LOXHD1: variants seen among roughly 807,000 people sequenced by gnomAD.
The protein encoded by LOXHD1 is lipoxygenase homology domain-containing protein 1.
Under a neutral mutation model 248.2 loss-of-function variants are expected in LOXHD1, and 205 were observed. The ratio of observed to expected loss-of-function variants is 0.83; its 90% CI spans 0.74 to 0.93. The LOEUF (loss-of-function observed/expected upper bound fraction) is 0.93. Ranked by LOEUF, LOXHD1 falls within the 40% of genes least tolerant of loss-of-function variation. The probability of loss-of-function intolerance (pLI) is 0.00; values close to 1 mark genes in which losing one functional copy is unlikely to be tolerated. For synonymous variants in LOXHD1, 1,113 were observed against 1,162.8 expected, an observed-to-expected ratio of 0.96 and a Z score of 0.87; for missense variants, 2,930 against 2,971.6, an observed-to-expected ratio of 0.99 and a Z score of 0.33.
In LOXHD1 at chr18:46,533,419, A is replaced by G. The variant is rs2036164324; in HGVS notation, c.4213-95T>C. 6 of 1,416,988 alleles carry G rather than the reference A, an allele frequency of 4.2e-6. No homozygotes were observed. In the Admixed American group the frequency reaches 1.4e-4, roughly 32 times the overall value. The allele number at this position is 1,416,988 out of a possible 1,614,324, so 87.8% of individuals were successfully genotyped here. Reference sequence around the variant, plus strand: ...TCAATACTCATGGAGACCAAGGACAAGGATCATGGGGCCCCATAAATAATG... The same window carrying G: ...TCAATACTCATGGAGACCAAGGACAGGGATCATGGGGCCCCATAAATAATG... On this transcript the variant is annotated intron_variant, in intron 27 of 40. Coordinates refer to ENST00000642948, the MANE Select transcript of LOXHD1 (RefSeq NM_001384474.1).
chr18:46,607,259 A>G (rs11872388), intron 6 of LOXHD1, among the ~76,000 whole-genome samples: 13,227 of 151,270 alleles, frequency 0.087, 717 homozygotes, highest in African/African-American at 0.16. Context: ...AATGAAAACA[A>G]ATTTGTAAAA....
chr18:46,599,887 G>A (rs2038309508), intron 8 of LOXHD1, among the ~76,000 whole-genome samples: 1 of 152,034 alleles, frequency 6.6e-6, no homozygotes, highest in Non-Finnish European at 1.5e-5. Flanking sequence ...CCTCCAAAAT[G>A]GTGAAAATTA....
At chr18:46,529,053 C>T in intron 29 of LOXHD1, 124 bp downstream of exon 29, 1 of 1,222,704 alleles carries the variant, frequency 8.2e-7, no homozygotes, top group Non-Finnish European at 1.1e-6. Flanking sequence ...GGCAGAGGCC[C>T]AAATGAGTGT....
At chr18:46,518,482 C>T (rs1195661059) in intron 33 of LOXHD1, among the ~76,000 whole-genome samples, 1 of 152,236 alleles carries the variant, frequency 6.6e-6, no homozygotes, top group African/African-American at 2.4e-5. Flanking sequence ...TTCTGACAGC[C>T]CTTCTGCAAT....
Position 46,489,130 on chromosome 18 carries a change from C to A in LOXHD1, c.5891G>T (p.Gly1964Val), listed in dbSNP as rs771725391. ...CACATCGACATAGCTCAGATGCCAG[C>A]CAGGAAATATCCCTGTGGAAAAGAC... The part of the protein sequence containing the change: ...VWHDNKGIFP[G>V]WHLSYVDVKD... The change falls in exon 38 of 41, where the codon GGC becomes GTC. Residue 1964 changes from glycine to valine, a missense_variant. By Grantham distance (109) the Gly-to-Val change is moderately radical. Coordinates refer to ENST00000642948, the MANE Select transcript of LOXHD1 (RefSeq NM_001384474.1). 8 of 1,551,530 alleles carry A rather than the reference C, an allele frequency of 5.2e-6. No homozygotes were observed. Among genetic ancestry groups the A allele is most frequent in the Middle Eastern group, 1.7e-4 (1 of 6,014 alleles).
chr18:46,534,366 A>G lies in LOXHD1; in HGVS notation c.4181T>C (p.Val1394Ala). 2 of 1,551,696 alleles carry G rather than the reference A, an allele frequency of 1.3e-6. No homozygotes were observed. Among genetic ancestry groups the G allele is most frequent in the Non-Finnish European group, 1.7e-6 (2 of 1,146,958 alleles). ...GMNPGWHCSH[V>A]DIRRLLPDKD... ...ATCCGGGAGGAGCCTGCGGATGTCCACGTGAGAGCAGTGCCACCCAGGATT... is the reference window on the plus strand; with the variant it reads ...ATCCGGGAGGAGCCTGCGGATGTCCGCGTGAGAGCAGTGCCACCCAGGATT... The change falls in exon 27 of 41, where the codon GTG becomes GCG. Residue 1394 changes from valine (V) to alanine (A), a missense_variant. Physicochemically the swap from Val to Ala is moderately conservative, Grantham distance 64. Coordinates refer to ENST00000642948, the MANE Select transcript of LOXHD1 (RefSeq NM_001384474.1).
intron 31 of LOXHD1, 105 bp downstream of exon 31, chr18:46,524,361 T>C (rs2035721226): frequency 2.1e-6 from 3 of 1,415,140 alleles, no homozygotes; most frequent in African/African-American, 2.8e-5. Flanking sequence ...AAGTGTTAGA[T>C]ATGTCATCGG....
intron 26 of LOXHD1, among the ~76,000 whole-genome samples, chr18:46,536,897 G>A (rs563710428): frequency 1.3e-5 from 2 of 152,284 alleles, no homozygotes; most frequent in African/African-American, 2.4e-5. Flanking sequence ...ACTGCCTGGA[G>A]GGCCCAGCCT....
intron 4 of LOXHD1, among the ~76,000 whole-genome samples, chr18:46,623,527 G>T (rs1462444528): frequency 6.6e-6 from 1 of 152,248 alleles, no homozygotes; most frequent in Non-Finnish European, 1.5e-5. Flanking sequence ...CCCACTCAAG[G>T]CCACAACAGA....
chr18:46,478,586 G>C (rs1193974588), intron 40 of LOXHD1, among the ~76,000 whole-genome samples: 1 of 152,140 alleles, frequency 6.6e-6, no homozygotes, highest in East Asian at 1.9e-4. Flanking sequence ...CCCTCCAGTG[G>C]CTTCCCATGT....
At chr18:46,648,115 G>T (rs868141411) in intron 2 of LOXHD1, among the ~76,000 whole-genome samples, 3 of 152,052 alleles carry the variant, frequency 2.0e-5, no homozygotes, top group African/African-American at 7.2e-5. Flanking sequence ...AAAATTAGCC[G>T]GTTATGGTGG....
At chr18:46,593,205 A>C (rs1568206874) in intron 10 of LOXHD1, among the ~76,000 whole-genome samples, 1 of 151,082 alleles carries the variant, frequency 6.6e-6, no homozygotes, top group Non-Finnish European at 1.5e-5. Context: ...TTTTAAAAAA[A>C]GTTCTAAAAT....
chr18:46,556,337 C>T (rs1405855756), intron 21 of LOXHD1, among the ~76,000 whole-genome samples: 3 of 152,116 alleles, frequency 2.0e-5, no homozygotes, highest in African/African-American at 7.2e-5. Flanking sequence ...TATGGGTGAG[C>T]TATGCCTAGG....
chr18:46,491,357 G>T (rs1355868849), intron 37 of LOXHD1, among the ~76,000 whole-genome samples: 3 of 152,222 alleles, frequency 2.0e-5, no homozygotes, highest in Non-Finnish European at 2.9e-5. Flanking sequence ...TTAAACTATA[G>T]GTTACTGAGC....
chr18:46,551,920 G>C (rs2037122711), intron 21 of LOXHD1, among the ~76,000 whole-genome samples: 1 of 152,150 alleles, frequency 6.6e-6, no homozygotes, highest in South Asian at 2.1e-4. Context: ...TGAAGCTTGA[G>C]GACAACACAC....
Position 46,524,864 on chromosome 18 carries a change from C to T in LOXHD1, c.4584G>A (p.Lys1528=), listed in dbSNP as rs528605609. Residue 1528 remains lysine (K), a synonymous_variant, in exon 30 of 41, where the codon AAG becomes AAA. Coordinates refer to ENST00000642948, the MANE Select transcript of LOXHD1 (RefSeq NM_001384474.1). ...ACCACTTGGAGTTGTCATGGCGGAG[C>T]TTGATCTTGTAGATGACGCCTAGGT... ...AADLGVIYKI[K]LRHDNSKWCA... is the part of the protein sequence containing the mutation. 5.2e-5 allele frequency: 80 copies of T among 1,551,768 alleles called. No individual in the cohort carries two copies. In the African/African-American group the frequency reaches 9.2e-4, roughly 18 times the overall value.
At chr18:46,588,794 A>AGGTT (rs1256471027) in intron 12 of LOXHD1, among the ~76,000 whole-genome samples, 2 of 152,088 alleles carry the variant, frequency 1.3e-5, no homozygotes, top group African/African-American at 4.8e-5. Context: ...GTCTGATTGT[A>AGGTT]GGTTTGTCTC....
At chr18:46,632,124 A>T (rs931382282) in intron 4 of LOXHD1, among the ~76,000 whole-genome samples, 1 of 152,208 alleles carries the variant, frequency 6.6e-6, no homozygotes, top group South Asian at 2.1e-4. Context: ...TGGGGATAAT[A>T]ATAGCCGCTA....
intron 2 of LOXHD1, among the ~76,000 whole-genome samples, chr18:46,643,817 C>T (rs954748207): frequency 6.6e-6 from 1 of 152,046 alleles, no homozygotes; most frequent in Non-Finnish European, 1.5e-5. Context: ...TAATGAAATA[C>T]TTTGCAACCA....
Sources: gnomAD v4.1 joint callset for allele counts (sites outside exome capture counted in the v4.1 genomes callset) on GRCh38, gnomAD v4.1.1 for gene constraint, MANE v1.5 for transcripts, NCBI Gene and HGNC (gene_info 2026-07-23, HGNC 2026-07-21) for gene names.